Variants in MME observed in about 807,000 individuals in gnomAD.
MME encodes the protein neprilysin.
MME carries 98 observed loss-of-function variants against 113.2 expected under a neutral mutation model. That is an observed-to-expected ratio of 0.87 (90% CI 0.74 to 1.02). The LOEUF is 1.02. MME is among the 50% of genes least tolerant of loss of function. The pLI is 0.00. For synonymous variants in MME, 292 were observed against 300.6 expected (o/e 0.97, Z 0.30); for missense variants, 836 against 896.0 (o/e 0.93, Z 0.86).
chr3:155,071,600 G>A (rs773266043), intron 1 of MME, among the ~76,000 whole-genome samples: 4 of 152,116 alleles, frequency 2.6e-5, no homozygotes, highest in Non-Finnish European at 5.9e-5. Context: ...TGTCAGGAGT[G>A]GCAAATATCT....
At chr3:155,180,025 A>G (rs1200374955) in intron 22 of MME, among the ~76,000 whole-genome samples, 1 of 152,224 alleles carries the variant, frequency 6.6e-6, no homozygotes, top group East Asian at 1.9e-4. Context: ...TGTTTTACAA[A>G]CACATATAAT....
intron 1 of MME, among the ~76,000 whole-genome samples, chr3:155,059,928 G>A (rs1272271593): frequency 1.3e-5 from 2 of 152,024 alleles, no homozygotes; most frequent in Non-Finnish European, 2.9e-5. Context: ...ATGAGAATTC[G>A]GTACAAGGGT....
intron 1 of MME, among the ~76,000 whole-genome samples, chr3:155,073,589 A>C (rs955429875): frequency 4.6e-5 from 7 of 152,198 alleles, no homozygotes; most frequent in African/African-American, 1.7e-4. Context: ...AAGAGGAAAA[A>C]AAAGTGTCCT....
At chr3:155,084,540 T>C (rs141169531) in intron 2 of MME, among the ~76,000 whole-genome samples, 2 of 152,360 alleles carry the variant, frequency 1.3e-5, no homozygotes, top group African/African-American at 4.8e-5. Flanking sequence ...TAATTGCAAG[T>C]ATATTTAGTG....
intron 1 of MME, among the ~76,000 whole-genome samples, chr3:155,028,851 A>G (rs567981671): frequency 3.9e-4 from 59 of 152,220 alleles, no homozygotes; most frequent in Non-Finnish European, 6.8e-4. Context: ...GTTACTTACA[A>G]GTTAGTTTGG....
intron 1 of MME, chr3:155,081,233 G>A (rs1715116402): frequency 6.6e-6 from 1 of 152,206 alleles, no homozygotes; most frequent in East Asian, 1.9e-4. Flanking sequence ...GTGCAGTGAA[G>A]ATGAAAACTG....
At chr3:155,064,751 A>G (rs538117537) in intron 1 of MME, among the ~76,000 whole-genome samples, 1 of 152,202 alleles carries the variant, frequency 6.6e-6, no homozygotes, top group Non-Finnish European at 1.5e-5. Context: ...TGCTTAGAAC[A>G]AGAAAAATAT....
chr3:155,064,621 T>G (rs1312782708), intron 1 of MME, among the ~76,000 whole-genome samples: 1 of 152,220 alleles, frequency 6.6e-6, no homozygotes, highest in Non-Finnish European at 1.5e-5. Context: ...ACTCTTTCAC[T>G]CCTGCATGCC....
intron 3 of MME, among the ~76,000 whole-genome samples, chr3:155,097,619 T>C (rs774824554): frequency 1.8e-4 from 27 of 152,080 alleles, no homozygotes; most frequent in Non-Finnish European, 3.1e-4. Flanking sequence ...GATTCCGAGA[T>C]AAAGGATGGC....
intron 1 of MME, among the ~76,000 whole-genome samples, chr3:155,073,830 G>T (rs903234616): frequency 2.6e-5 from 4 of 151,798 alleles, no homozygotes; most frequent in South Asian, 2.1e-4. Context: ...GTCTTTTAAG[G>T]TTGTGTTTTC....
chr3:155,148,654 G>A lies in MME; in HGVS notation c.1601+1G>A. 1 of 1,600,834 alleles carries A rather than the reference G, an allele frequency of 6.2e-7. No individual in the cohort carries two copies. The highest frequency in any genetic ancestry group is 8.6e-7 in the Non-Finnish European group (1 of 1,168,300). ...TCCGAGAAAAGGTGGACAAAGATGA[G>A]TGCGTATATTCTCATTTCTAATGTG... On this transcript the variant is annotated splice_donor_variant, in intron 16 of 22. Transcript: ENST00000360490. LOFTEE classifies it high-confidence loss of function.
At position 155,083,238 on chromosome 3, in the gene MME, A is replaced by G. The variant is rs139654270; in HGVS notation, c.-10-920A>G. 5.9e-5 allele frequency among the ~76,000 whole-genome samples: 9 copies of G among 152,328 alleles called. No individual in the cohort carries two copies. The East Asian group carries it at 1.4e-3, about 23-fold the overall frequency. ...TACAAAGAATATTGACGAGTTGTGT[A>G]GTCTTGAACACGTTGCCTGACTTCT... On this transcript the variant is annotated intron_variant, in intron 1 of 22. Transcript: ENST00000360490.
At chr3:155,089,996 C>T in intron 3 of MME, 1 of 306,600 alleles carries the variant, frequency 3.3e-6, no homozygotes, top group South Asian at 2.7e-5. Flanking sequence ...ATTGAGGGGT[C>T]TGCAGAAGCA....
intron 18 of MME, among the ~76,000 whole-genome samples, chr3:155,167,738 A>G (rs1047593416): frequency 1.3e-5 from 2 of 152,194 alleles, no homozygotes; most frequent in Non-Finnish European, 2.9e-5. Context: ...CTAAGTGTCT[A>G]TTAACTCAAA....
At chr3:155,048,652 G>T (rs952720832) in intron 1 of MME, among the ~76,000 whole-genome samples, 1 of 151,978 alleles carries the variant, frequency 6.6e-6, no homozygotes, top group Admixed American at 6.6e-5. Context: ...AAAATTCTTT[G>T]TCCTTGAAGT....
At chr3:155,062,058 C>G (rs1459653115) in intron 1 of MME, among the ~76,000 whole-genome samples, 1 of 152,134 alleles carries the variant, frequency 6.6e-6, no homozygotes, top group African/African-American at 2.4e-5. Context: ...AACCCTTTAA[C>G]ATTTTTATTT....
chr3:155,052,337 T>G (rs1713791648), intron 1 of MME, among the ~76,000 whole-genome samples: 1 of 152,308 alleles, frequency 6.6e-6, no homozygotes, highest in Non-Finnish European at 1.5e-5. Flanking sequence ...CTGTGGGAGC[T>G]CCAACCCCAC....
At chr3:155,065,729 G>A (rs1477774017) in intron 1 of MME, among the ~76,000 whole-genome samples, 1 of 152,196 alleles carries the variant, frequency 6.6e-6, no homozygotes, top group African/African-American at 2.4e-5. Flanking sequence ...CCTGGGAGGT[G>A]CCTTAAATAG....
intron 8 of MME, among the ~76,000 whole-genome samples, chr3:155,135,448 T>A (rs1720547948): frequency 6.6e-6 from 1 of 151,326 alleles, no homozygotes; most frequent in African/African-American, 2.4e-5. Flanking sequence ...TGGCTGTAGG[T>A]GTGCTGCTTT....
Sources: allele counts gnomAD v4.1 joint callset (sites outside exome capture counted in the v4.1 genomes callset), GRCh38; gene constraint gnomAD v4.1.1; transcripts MANE v1.5; gene names NCBI Gene and HGNC (gene_info 2026-07-23, HGNC 2026-07-21).